Variants in FBXL7 observed in about 807,000 individuals in gnomAD.
FBXL7 encodes the protein F-box/LRR-repeat protein 7.
A neutral mutation model predicts 38.3 loss-of-function variants in FBXL7; 12 were observed. That is an observed-to-expected ratio of 0.31 (90% CI 0.20 to 0.51). FBXL7 has a LOEUF of 0.51. Among genes scored for constraint, FBXL7 ranks in the 20% least tolerant of loss-of-function variants. The probability of loss-of-function intolerance (pLI) is 0.98; values close to 1 mark genes in which losing one functional copy is unlikely to be tolerated. For missense variants in FBXL7, 567 were observed against 676.4 expected, an observed-to-expected ratio of 0.84 and a Z score of 1.79; for synonymous variants, 297 against 300.9, an observed-to-expected ratio of 0.99 and a Z score of 0.13.
chr5:15,718,157 C>T lies in FBXL7; in HGVS notation c.127+102085C>T, dbSNP rs1161870510. On this transcript the variant is annotated intron_variant, in intron 2 of 3. Transcript: ENST00000504595. Reference sequence around the variant, plus strand: ...TATATATGTTCCATGTACTTACTTGCGCACACACAGCCGTGTATATATGTA... The same window carrying T: ...TATATATGTTCCATGTACTTACTTGTGCACACACAGCCGTGTATATATGTA... Among the ~76,000 whole-genome samples, 5 of 152,058 alleles carry T rather than the reference C, an allele frequency of 3.3e-5. No homozygotes were observed. In the East Asian group the frequency reaches 5.8e-4, roughly 18 times the overall value.
At chr5:15,649,258 A>G (rs988152704) in intron 2 of FBXL7, among the ~76,000 whole-genome samples, 4 of 152,182 alleles carry the variant, frequency 2.6e-5, no homozygotes, top group Non-Finnish European at 5.9e-5. Flanking sequence ...CAGCCTCCCA[A>G]AGTGCTGGGA....
intron 2 of FBXL7, among the ~76,000 whole-genome samples, chr5:15,726,110 G>A (rs1744343447): frequency 6.6e-6 from 1 of 152,102 alleles, no homozygotes; most frequent in African/African-American, 2.4e-5. Context: ...TTTTTCATAT[G>A]TAATGTCCTT....
At chr5:15,745,198 A>G (rs566348482) in intron 2 of FBXL7, among the ~76,000 whole-genome samples, 1 of 150,434 alleles carries the variant, frequency 6.6e-6, no homozygotes, top group African/African-American at 2.4e-5. Flanking sequence ...ATTATTTGGA[A>G]ACTGTGACTA....
intron 1 of FBXL7, among the ~76,000 whole-genome samples, chr5:15,578,431 G>C (rs1279717443): frequency 2.0e-5 from 3 of 152,144 alleles, no homozygotes; most frequent in African/African-American, 7.2e-5. Flanking sequence ...AAAAGACATT[G>C]GGAGTCTGAC....
chr5:15,649,193 C>T (rs1704824678), intron 2 of FBXL7, among the ~76,000 whole-genome samples: 1 of 152,080 alleles, frequency 6.6e-6, no homozygotes, highest in African/African-American at 2.4e-5. Flanking sequence ...GGCGGGGTTT[C>T]ACCACGTTGG....
intron 1 of FBXL7, chr5:15,602,444 A>G (rs1219247890): frequency 6.6e-6 from 1 of 152,028 alleles, no homozygotes; most frequent in Non-Finnish European, 1.5e-5. Flanking sequence ...TTATTCATGC[A>G]GTTACTTCTC....
chr5:15,848,584 G>A (rs903146380), intron 2 of FBXL7, among the ~76,000 whole-genome samples: 14 of 152,108 alleles, frequency 9.2e-5, no homozygotes, highest in African/African-American at 1.7e-4. Flanking sequence ...GTTTCACCAC[G>A]TTAGCCAGGC....
chr5:15,841,479 AT>A (rs966849490), intron 2 of FBXL7, among the ~76,000 whole-genome samples: 15 of 149,834 alleles, frequency 1.0e-4, no homozygotes, highest in Admixed American at 2.7e-4. Context: ...AAAGATGTTC[AT>A]TTTTTTTTTC....
intron 2 of FBXL7, among the ~76,000 whole-genome samples, chr5:15,919,139 T>C (rs1339012663): frequency 2.0e-5 from 3 of 152,204 alleles, no homozygotes; most frequent in African/African-American, 7.2e-5. Flanking sequence ...AGACAACTTA[T>C]AATAGAAAGC....
At chr5:15,901,849 GTTTA>G (rs1741241579) in intron 2 of FBXL7, among the ~76,000 whole-genome samples, 1 of 152,144 alleles carries the variant, frequency 6.6e-6, no homozygotes, top group African/African-American at 2.4e-5. Flanking sequence ...TGTTGTATAG[GTTTA>G]TTTTTCAGGT....
At chr5:15,598,233 A>T (rs942381270) in intron 1 of FBXL7, among the ~76,000 whole-genome samples, 3 of 152,206 alleles carry the variant, frequency 2.0e-5, no homozygotes, top group Admixed American at 6.5e-5. Flanking sequence ...GCCTTATCAG[A>T]TTCATCATGT....
chr5:15,860,033 A>G (rs1739410840), intron 2 of FBXL7, among the ~76,000 whole-genome samples: 1 of 152,222 alleles, frequency 6.6e-6, no homozygotes, highest in Non-Finnish European at 1.5e-5. Context: ...AGTTGCAGAC[A>G]GTTGTAAATA....
chr5:15,569,914 C>G (rs1466191599), intron 1 of FBXL7, among the ~76,000 whole-genome samples: 1 of 152,178 alleles, frequency 6.6e-6, no homozygotes, highest in African/African-American at 2.4e-5. Flanking sequence ...ATATGTTGAA[C>G]CAGCCTTGCA....
intron 2 of FBXL7, among the ~76,000 whole-genome samples, chr5:15,863,023 G>T (rs920724154): frequency 6.6e-6 from 1 of 152,154 alleles, no homozygotes; most frequent in African/African-American, 2.4e-5. Context: ...TTATGTATGG[G>T]TGTGTGTACA....
intron 2 of FBXL7, among the ~76,000 whole-genome samples, chr5:15,656,638 T>G (rs1027750811): frequency 2.0e-5 from 3 of 152,078 alleles, no homozygotes; most frequent in Non-Finnish European, 2.9e-5. Flanking sequence ...AGATATGATT[T>G]GGGTGGGGAC....
At chr5:15,588,020 A>G (rs914425240) in intron 1 of FBXL7, among the ~76,000 whole-genome samples, 6 of 152,146 alleles carry the variant, frequency 3.9e-5, no homozygotes, top group Non-Finnish European at 8.8e-5. Flanking sequence ...CTGTTATGCC[A>G]GGTTGAAACT....
intron 1 of FBXL7, among the ~76,000 whole-genome samples, chr5:15,570,355 T>C (rs1006537184): frequency 2.0e-5 from 3 of 152,222 alleles, no homozygotes; most frequent in African/African-American, 7.2e-5. Context: ...CCATTTCTTC[T>C]AGATTTTCTA....
At chr5:15,750,069 GT>G (rs1736116973) in intron 2 of FBXL7, among the ~76,000 whole-genome samples, 1 of 152,122 alleles carries the variant, frequency 6.6e-6, no homozygotes, top group Admixed American at 6.5e-5. Flanking sequence ...TGAGGATTCT[GT>G]TTCGTTTTTA....
At chr5:15,514,853 GACTA>G (rs1170804071) in intron 1 of FBXL7, among the ~76,000 whole-genome samples, 2 of 152,154 alleles carry the variant, frequency 1.3e-5, no homozygotes. Context: ...CACATGCAGT[GACTA>G]GTTTAGGCAG....
Sources: gnomAD v4.1 joint callset for allele counts (sites outside exome capture counted in the v4.1 genomes callset) on GRCh38, gnomAD v4.1.1 for gene constraint, MANE v1.5 for transcripts, NCBI Gene and HGNC (gene_info 2026-07-23, HGNC 2026-07-21) for gene names.